PLPP1: variants seen among roughly 807,000 people sequenced by gnomAD.
The protein encoded by PLPP1 is lipid phosphate phosphohydrolase 1a.
PLPP1 carries 24 observed loss-of-function variants against 31.2 expected under a neutral mutation model. The observed-to-expected ratio is 0.77, with a 90% confidence interval of 0.56 to 1.08. The LOEUF is 1.08. Among genes scored for constraint, PLPP1 ranks in the 50% least tolerant of loss-of-function variants. The pLI is 0.00. For missense variants in PLPP1, 319 were observed against 342.7 expected, an observed-to-expected ratio of 0.93 and a Z score of 0.55; for synonymous variants, 146 against 126.3, an observed-to-expected ratio of 1.16 and a Z score of -1.05.
chr5:55,507,833 A>C (rs887518933), intron 1 of PLPP1, among the ~76,000 whole-genome samples: 1 of 149,892 alleles, frequency 6.7e-6, no homozygotes. Context: ...TAGTCCACCT[A>C]TATCTGCACA....
chr5:55,456,195 T>C (rs10035560), intron 3 of PLPP1, among the ~76,000 whole-genome samples: 130,837 of 152,206 alleles, frequency 0.86, 56,631 homozygotes, highest in South Asian at 0.92. Flanking sequence ...AGTCCACTTA[T>C]GCTCTTAGTT....
chr5:55,495,618 G>A (rs1752988853), intron 1 of PLPP1, among the ~76,000 whole-genome samples: 2 of 151,992 alleles, frequency 1.3e-5, no homozygotes, highest in Admixed American at 6.6e-5. Context: ...TACAACAATG[G>A]TATCTTCATA....
intron 3 of PLPP1, among the ~76,000 whole-genome samples, chr5:55,465,608 G>A (rs375662242): frequency 1.9e-4 from 29 of 152,264 alleles, no homozygotes; most frequent in East Asian, 3.9e-4. Flanking sequence ...GTGTTGGGCC[G>A]CATTCAAAGC....
In PLPP1 at chr5:55,534,555, C is replaced by T. The variant is rs1472075068; in HGVS notation, c.58+17G>A. On this transcript the variant is annotated intron_variant, in intron 1 of 5. Transcript: ENST00000307259. ...GACAGCCGCACACGCCCCTCGGACC[C>T]GGCGGCGCGTACGTACCCAGCAACA... The T allele has an allele frequency of 2.0e-6, 3 of 1,529,068 alleles. No individual in the cohort carries two copies. In the Admixed American group the frequency reaches 6.1e-5, roughly 31 times the overall value. 94.7% of individuals were successfully genotyped at this position (1,529,068 alleles called of 1,614,324 possible). A position where few individuals can be genotyped will look rare whatever the true frequency, so the allele number is the denominator to read the frequency against.
At chr5:55,490,889 G>C in intron 1 of PLPP1, 1 of 1,476,540 alleles carries the variant, frequency 6.8e-7, no homozygotes. Flanking sequence ...ATTTACCCCC[G>C]CCCCAACTCC....
At chr5:55,437,002 T>G (rs1450696605) in intron 4 of PLPP1, among the ~76,000 whole-genome samples, 1 of 152,166 alleles carries the variant, frequency 6.6e-6, no homozygotes, top group African/African-American at 2.4e-5. Flanking sequence ...CCCCTTCCAC[T>G]GTGTGAGGAC....
intron 1 of PLPP1, among the ~76,000 whole-genome samples, chr5:55,524,809 C>T (rs569291054): frequency 1.1e-4 from 17 of 151,784 alleles, no homozygotes; most frequent in Non-Finnish European, 1.9e-4. Context: ...AAACTACGTC[C>T]CCCCCCAAAA....
chr5:55,466,403 C>CA (rs1170678778), intron 3 of PLPP1, among the ~76,000 whole-genome samples: 1 of 151,920 alleles, frequency 6.6e-6, no homozygotes, highest in East Asian at 1.9e-4. Flanking sequence ...CCACTAAATA[C>CA]AAAAAATTGA....
At chr5:55,498,053 C>T (rs1295977962) in intron 1 of PLPP1, among the ~76,000 whole-genome samples, 1 of 151,900 alleles carries the variant, frequency 6.6e-6, no homozygotes, top group East Asian at 1.9e-4. Flanking sequence ...GAAGGTAAAG[C>T]CAGTTGGGGT....
chr5:55,524,179 A>G (rs1753732106), intron 1 of PLPP1, among the ~76,000 whole-genome samples: 1 of 152,208 alleles, frequency 6.6e-6, no homozygotes, highest in African/African-American at 2.4e-5. Flanking sequence ...GCAGTGTCCA[A>G]TCTTTTGGCT....
intron 3 of PLPP1, among the ~76,000 whole-genome samples, chr5:55,452,906 C>A (rs1751923259): frequency 6.6e-6 from 1 of 152,120 alleles, no homozygotes; most frequent in African/African-American, 2.4e-5. Context: ...AGAAGGTACA[C>A]CAAAACAAAA....
chr5:55,425,656 T>TAAGA (rs1010129716), intron 5 of PLPP1: 10 of 501,358 alleles, frequency 2.0e-5, no homozygotes, highest in Admixed American at 3.9e-5. Flanking sequence ...ATAAAAATAC[T>TAAGA]AAGATTTTAC....
intron 1 of PLPP1, among the ~76,000 whole-genome samples, chr5:55,503,422 G>A (rs536417135): frequency 6.6e-5 from 10 of 152,108 alleles, no homozygotes; most frequent in African/African-American, 2.4e-4. Flanking sequence ...TATCAGAGCA[G>A]GAAAAAATAA....
rs577492553 is a variant in PLPP1 at position 55,438,639 on chromosome 5, C to A, written c.549+3212G>T. Among the ~76,000 whole-genome samples the A allele has an allele frequency of 2.7e-3, 416 of 152,246 alleles. 3 individuals carry two copies. The highest frequency in any genetic ancestry group is 3.9e-3 in the Non-Finnish European group (264 of 68,014). On this transcript the variant is annotated intron_variant, in intron 4 of 5. Transcript: ENST00000307259. ...TACATAGGCCAGGCGCGGTGGCTCA[C>A]GCCTGTAATCCCAACACACTGGGAG... is the stretch of plus-strand genomic sequence containing the variant.
intron 4 of PLPP1, among the ~76,000 whole-genome samples, chr5:55,437,127 C>A (rs1219960627): frequency 6.6e-6 from 1 of 152,172 alleles, no homozygotes; most frequent in East Asian, 1.9e-4. Context: ...CAGTCTGCTG[C>A]AATTGGTTAT....
intron 3 of PLPP1, among the ~76,000 whole-genome samples, chr5:55,458,887 CAAAAAA>C (rs529067608): frequency 1.7e-3 from 35 of 21,102 alleles, no homozygotes; most frequent in African/African-American, 3.6e-3. Context: ...ACCCTGTCTC[CAAAAAA>C]AAAAAAAAAA....
At chr5:55,520,640 G>A (rs1753643727) in intron 1 of PLPP1, among the ~76,000 whole-genome samples, 1 of 152,168 alleles carries the variant, frequency 6.6e-6, no homozygotes, top group Non-Finnish European at 1.5e-5. Flanking sequence ...TCACACAATA[G>A]TAATAGATGG....
At chr5:55,488,998 T>A (rs4865607) in intron 1 of PLPP1, among the ~76,000 whole-genome samples, 128,773 of 151,938 alleles carry the variant, frequency 0.85, 54,921 homozygotes, top group South Asian at 0.92. Flanking sequence ...GTTCAAGACC[T>A]GCCTGGCCAA....
chr5:55,530,949 C>CCGAGGTGACGGTGA (rs1408204410), intron 1 of PLPP1, among the ~76,000 whole-genome samples: 2 of 152,214 alleles, frequency 1.3e-5, no homozygotes, highest in African/African-American at 4.8e-5. Flanking sequence ...GCGGCAGCGG[C>CCGAGGTGACGGTGA]CGAGGTGACG....
Sources: allele counts gnomAD v4.1 joint callset (sites outside exome capture counted in the v4.1 genomes callset), GRCh38; gene constraint gnomAD v4.1.1; transcripts MANE v1.5; gene names NCBI Gene and HGNC (gene_info 2026-07-23, HGNC 2026-07-21).